The following PRKG1 variants were observed in gnomAD, a reference collection of about 807,000 sequenced individuals.
PRKG1 encodes the protein cGMP-dependent protein kinase 1.
A neutral mutation model predicts 88.1 loss-of-function variants in PRKG1; 35 were observed. The ratio of observed to expected loss-of-function variants is 0.40; its 90% CI spans 0.30 to 0.53. The LOEUF is 0.53. PRKG1 is among the 20% of genes least tolerant of loss of function. PRKG1 has a pLI of 0.59. For missense variants in PRKG1, 540 were observed against 839.8 expected, an observed-to-expected ratio of 0.64 and a Z score of 4.41; for synonymous variants, 303 against 292.5, an observed-to-expected ratio of 1.04 and a Z score of -0.37.
At chr10:51,041,850 C>G (rs1439843804) in intron 1 of PRKG1, among the ~76,000 whole-genome samples, 1 of 152,154 alleles carries the variant, frequency 6.6e-6, no homozygotes, top group East Asian at 1.9e-4. Flanking sequence ...CAGAATACCT[C>G]CAGTATATAC....
At chr10:51,026,107 C>G (rs1473203602) in intron 1 of PRKG1, among the ~76,000 whole-genome samples, 1 of 152,100 alleles carries the variant, frequency 6.6e-6, no homozygotes, top group Non-Finnish European at 1.5e-5. Context: ...AGATTGACAG[C>G]AAACCACCAG....
At chr10:51,085,298 A>G (rs76993542) in intron 1 of PRKG1, among the ~76,000 whole-genome samples, 552 of 152,320 alleles carry the variant, frequency 3.6e-3, no homozygotes, top group Middle Eastern at 6.8e-3. Context: ...ATAGCCTTAG[A>G]TTAGATTTGT....
chr10:51,876,750 G>A (rs1400147449), intron 4 of PRKG1, among the ~76,000 whole-genome samples: 1 of 152,282 alleles, frequency 6.6e-6, no homozygotes, highest in African/African-American at 2.4e-5. Context: ...AGCTGGAAGT[G>A]CCAAGAAATT....
At chr10:51,247,127 A>T (rs959677562) in intron 2 of PRKG1, among the ~76,000 whole-genome samples, 3 of 151,982 alleles carry the variant, frequency 2.0e-5, no homozygotes, top group Non-Finnish European at 4.4e-5. Flanking sequence ...GGCTGGTAAG[A>T]CTGTGAAAGA....
At chr10:51,895,862 G>A (rs867223560) in intron 4 of PRKG1, among the ~76,000 whole-genome samples, 7 of 151,972 alleles carry the variant, frequency 4.6e-5, no homozygotes, top group Non-Finnish European at 8.8e-5. Context: ...GTTTCTCTGC[G>A]TGCAATTGCC....
chr10:51,374,363 G>A (rs1209122), intron 2 of PRKG1, among the ~76,000 whole-genome samples: 11,669 of 150,604 alleles, frequency 0.077, 1,464 homozygotes, highest in African/African-American at 0.27. Context: ...CTGTTGTGTT[G>A]GTTTGCTGAG....
intron 1 of PRKG1, among the ~76,000 whole-genome samples, chr10:51,045,417 C>T (rs1843476078): frequency 6.6e-6 from 1 of 151,972 alleles, no homozygotes; most frequent in South Asian, 2.1e-4. Flanking sequence ...CACTTCCTGG[C>T]TTCAAGCGAT....
chr10:51,005,394 T>C (rs1159688953), intron 1 of PRKG1, among the ~76,000 whole-genome samples: 1 of 152,204 alleles, frequency 6.6e-6, no homozygotes, highest in Non-Finnish European at 1.5e-5. Flanking sequence ...GAAGATATCT[T>C]TGTTCGTCTC....
intron 2 of PRKG1, among the ~76,000 whole-genome samples, chr10:51,218,292 GTGAAGT>G (rs1215264886): frequency 6.6e-6 from 1 of 151,570 alleles, no homozygotes; most frequent in Non-Finnish European, 1.5e-5. Flanking sequence ...ATTTGTTTTG[GTGAAGT>G]TGAAGTCACT....
chr10:51,231,814 T>C (rs532162232), intron 2 of PRKG1, among the ~76,000 whole-genome samples: 4 of 152,306 alleles, frequency 2.6e-5, no homozygotes, highest in South Asian at 2.1e-4. Context: ...AAGTTTTACA[T>C]TGCAATCTAA....
intron 2 of PRKG1, among the ~76,000 whole-genome samples, chr10:51,193,776 A>G (rs575813400): frequency 6.6e-6 from 1 of 152,216 alleles, no homozygotes; most frequent in East Asian, 1.9e-4. Flanking sequence ...CAAAATGTGT[A>G]GTAACTTTAC....
chr10:51,947,132 A>G (rs374781463), intron 5 of PRKG1, among the ~76,000 whole-genome samples: 60 of 151,294 alleles, frequency 4.0e-4, no homozygotes, highest in Non-Finnish European at 5.9e-4. Flanking sequence ...CGAGCTTCCC[A>G]GCTGCTTTGT....
chr10:51,842,025 A>G (rs189629191), intron 4 of PRKG1, among the ~76,000 whole-genome samples: 1 of 152,320 alleles, frequency 6.6e-6, no homozygotes, highest in East Asian at 1.9e-4. Flanking sequence ...TTGGATTTCA[A>G]GGCAGATACT....
Position 51,884,937 on chromosome 10 carries a change from A to T in PRKG1, c.699-22570A>T, listed in dbSNP as rs184133756. Among the ~76,000 whole-genome samples the T allele has an allele frequency of 5.0e-3, 760 of 152,274 alleles. 12 individuals are homozygous for T. Among genetic ancestry groups the T allele is most frequent in the Non-Finnish European group, 4.6e-3 (314 of 68,020 alleles). On this transcript the variant is annotated intron_variant, in intron 4 of 17. Coordinates refer to ENST00000373980, the MANE Select transcript of PRKG1 (RefSeq NM_006258.4). Reference sequence around the variant, plus strand: ...GAAGCATCTTTAACTCACCATGGAGATATCAGTTTACTCATCCATTGAGGT... The same window carrying T: ...GAAGCATCTTTAACTCACCATGGAGTTATCAGTTTACTCATCCATTGAGGT...
chr10:51,187,476 G>A (rs1369064223), intron 2 of PRKG1, among the ~76,000 whole-genome samples: 1 of 151,758 alleles, frequency 6.6e-6, no homozygotes, highest in Non-Finnish European at 1.5e-5. Context: ...TTTTTTCCTT[G>A]TATTGGTTTC....
At position 52,193,820 on chromosome 10, in the gene PRKG1, A is replaced by C. The variant is rs1839437211; in HGVS notation, c.1076+31857A>C. The stretch of plus-strand genomic sequence containing the variant: ...TTCAAATACAATTAACTTGTATTTA[A>C]GTTAAAATTGGTTGCTTTTTTAAAA... On this transcript the variant is annotated intron_variant, in intron 9 of 17. Transcript: ENST00000373980. Among the ~76,000 whole-genome samples the C allele has an allele frequency of 1.3e-5, 2 of 152,178 alleles. 1 individual carries two copies. The highest frequency in any genetic ancestry group is 1.3e-4 in the Admixed American group (2 of 15,280).
At chr10:51,634,853 A>T (rs1344236473) in intron 3 of PRKG1, among the ~76,000 whole-genome samples, 1 of 152,138 alleles carries the variant, frequency 6.6e-6, no homozygotes, top group East Asian at 1.9e-4. Flanking sequence ...AAAATGAAAC[A>T]CTACATATTC....
chr10:51,645,643 T>C (rs941344429), intron 3 of PRKG1, among the ~76,000 whole-genome samples: 9 of 152,168 alleles, frequency 5.9e-5, no homozygotes, highest in Admixed American at 6.5e-5. Flanking sequence ...TTGATGAGCA[T>C]TGCAATATAA....
chr10:51,479,692 G>C (rs10997741), intron 3 of PRKG1, among the ~76,000 whole-genome samples: 95,895 of 151,810 alleles, frequency 0.63, 30,997 homozygotes, highest in East Asian at 0.98. Context: ...ACTTTGTATT[G>C]ATGTTTCATG....
Sources: gnomAD v4.1 joint callset for allele counts (sites outside exome capture counted in the v4.1 genomes callset) on GRCh38, gnomAD v4.1.1 for gene constraint, MANE v1.5 for transcripts, NCBI Gene and HGNC (gene_info 2026-07-23, HGNC 2026-07-21) for gene names.